Variants in SLFN11 observed in about 807,000 individuals in gnomAD.
The protein encoded by SLFN11 is schlafen family member 11.
SLFN11 carries 43 observed loss-of-function variants against 53.4 expected under a neutral mutation model. That is an observed-to-expected ratio of 0.80 (90% confidence interval 0.63 to 1.04). The LOEUF is 1.04. SLFN11 is among the 50% of genes least tolerant of loss of function. SLFN11 has a pLI of 0.00. For missense variants in SLFN11, 990 were observed against 1,079.1 expected (o/e 0.92, Z 1.16); for synonymous variants, 389 against 394.7 (o/e 0.99, Z 0.17).
Position 35,360,324 on chromosome 17 carries a change from T to G in SLFN11, c.1117A>C (p.Ser373Arg), listed in dbSNP as rs775310158. ...ACTGGTCTGCTAAGGGGAGGCCCAC[T>G]AGATAGACTCAGCTGACATTCAAAA... is the stretch of plus-strand genomic sequence containing the variant. ...EDFECQLSLS[S>R]GPPLSRPVYS... Residue 373 changes from serine to arginine, a missense_variant, in exon 5 of 7, where the codon AGT (serine) becomes CGT (arginine). Physicochemically the swap from Ser to Arg is moderately radical, Grantham distance 110. Transcript: ENST00000685675. The G allele has an allele frequency of 9.9e-6, 16 of 1,610,366 alleles. No individual in the cohort carries two copies. The highest frequency in any genetic ancestry group is 1.4e-5 in the Non-Finnish European group (16 of 1,178,818).
At chr17:35,366,144 A>G (rs1908931972) in intron 3 of SLFN11, among the ~76,000 whole-genome samples, 1 of 152,176 alleles carries the variant, frequency 6.6e-6, no homozygotes, top group African/African-American at 2.4e-5. Context: ...GTAGGATTTT[A>G]TCACAGAAGT....
At chr17:35,372,480 G>A (rs1909809606) in intron 1 of SLFN11, among the ~76,000 whole-genome samples, 2 of 152,102 alleles carry the variant, frequency 1.3e-5, no homozygotes, top group South Asian at 4.1e-4. Context: ...GCAACTCAAA[G>A]GGTAAATGCT....
rs770619764 is a variant in SLFN11, at chr17:35,352,488, T to C, written c.2574A>G (p.Ser858=). The part of the protein sequence containing the change: ...HIVLDSVRRF[S]GLERSIVFGI... ...CAAACACTATGCTCCTTTCCAGGCC[T>C]GAGAATCGCCGAACACTGTCCAACA... Residue 858 remains serine, a synonymous_variant, in exon 7 of 7, where the codon TCA becomes TCG. Coordinates refer to ENST00000685675, the MANE Select transcript of SLFN11 (RefSeq NM_001376007.1). 1 of 1,614,190 alleles carries C rather than the reference T, an allele frequency of 6.2e-7. No individual in the cohort carries two copies. The highest frequency in any genetic ancestry group is 2.2e-5 in the East Asian group (1 of 44,880).
intron 4 of SLFN11, among the ~76,000 whole-genome samples, chr17:35,361,776 G>A (rs1422747028): frequency 3.3e-5 from 5 of 151,296 alleles, no homozygotes; most frequent in East Asian, 1.9e-4. Context: ...ACAGAGTCTC[G>A]CTCTGTCACC....
chr17:35,369,732 T>C (rs534593425), intron 1 of SLFN11, among the ~76,000 whole-genome samples: 4 of 152,276 alleles, frequency 2.6e-5, no homozygotes, highest in African/African-American at 9.6e-5. Flanking sequence ...TAGTGGCTAC[T>C]ATGAGCAACT....
chr17:35,362,663 C>G, intron 4 of SLFN11, 76 bp downstream of exon 4: 1 of 1,199,384 alleles, frequency 8.3e-7, no homozygotes, highest in Non-Finnish European at 1.2e-6. Context: ...AAGTCATAGG[C>G]AGCAAAGGAA....
In SLFN11 at chr17:35,363,716, C is replaced by T. The variant is rs750592221; in HGVS notation, c.92G>A (p.Arg31Lys). ...TCTCTGAATTTTCTGCAGCTTTTTTCTGTTTTCTTCTCCAAGAGTCACTTC... is the reference window on the plus strand; with the variant it reads ...TCTCTGAATTTTCTGCAGCTTTTTTTTGTTTTCTTCTCCAAGAGTCACTTC... ...VGEVTLGEEN[R>K]KKLQKIQRDQ... Residue 31 changes from arginine to lysine, a missense_variant, in exon 4 of 7, where the codon AGA (arginine) becomes AAA (lysine). Physicochemically the swap from Arg to Lys is conservative, Grantham distance 26. This residue lies in a region of SLFN11 where 521 missense variants were observed against 516.2 expected (regional missense o/e 1.01). Transcript: ENST00000685675. 3.1e-6 allele frequency: 5 copies of T among 1,613,820 alleles called. No individual in the cohort carries two copies. The East Asian group carries it at 1.1e-4, about 36-fold the overall frequency.
intron 4 of SLFN11, among the ~76,000 whole-genome samples, chr17:35,362,041 G>A (rs1908287755): frequency 6.6e-6 from 1 of 152,010 alleles, no homozygotes; most frequent in South Asian, 2.1e-4. Context: ...GCCCAAGAAA[G>A]CAACCCCAGA....
In SLFN11 at chr17:35,353,636, A is replaced by G; in HGVS notation, c.1622T>C (p.Leu541Pro). 7.0e-6 allele frequency: 8 copies of G among 1,137,070 alleles called. No homozygotes were observed. The highest frequency in any genetic ancestry group is 9.6e-6 in the Non-Finnish European group (8 of 834,464). 70.4% of individuals were successfully genotyped at this position (1,137,070 alleles called of 1,614,324 possible). Residue 541 changes from leucine to proline, a missense_variant, in exon 6 of 7, where the codon CTT (leucine) becomes CCT (proline). Around this residue, in one of 3 missense-constraint regions of SLFN11, gnomAD observed 156 missense variants for 241.9 expected, o/e 0.64. Transcript: ENST00000685675. ...GGCTTCCATGTGCTGGGTGCCTGCA[A>G]GGCTATAGGACGCAGGGTAATCCAT... is the stretch of plus-strand genomic sequence containing the variant. ...SPMDYPASYS[L>P]AGTQHMEALL...
chr17:35,356,942 A>G (rs185484557), intron 5 of SLFN11, among the ~76,000 whole-genome samples: 6 of 152,228 alleles, frequency 3.9e-5, no homozygotes, highest in African/African-American at 1.2e-4. Flanking sequence ...GCAATGTACA[A>G]GAAGGTGTGT....
At position 35,367,608 on chromosome 17, in the gene SLFN11, A is replaced by G. The variant is rs1909114740; in HGVS notation, c.-142T>C. ...ACAGGATAACTTTTTCAAACCTTTCAGTGTAGCCAGAGTTCCCACCAACAC... is the reference window on the plus strand; with the variant it reads ...ACAGGATAACTTTTTCAAACCTTTCGGTGTAGCCAGAGTTCCCACCAACAC... On this transcript the variant is annotated 5_prime_UTR_variant, in exon 2 of 7. Transcript: ENST00000685675. 6.6e-6 allele frequency: 1 copy of G among 152,328 alleles called. No individual in the cohort carries two copies. The highest frequency in any genetic ancestry group is 2.1e-4 in the South Asian group (1 of 4,830). The allele number at this position is 152,328 out of a possible 1,614,324, so 9.4% of individuals were successfully genotyped here.
intron 4 of SLFN11, among the ~76,000 whole-genome samples, chr17:35,361,902 G>A (rs1054402774): frequency 4.0e-5 from 6 of 151,810 alleles, no homozygotes; most frequent in African/African-American, 7.3e-5. Context: ...GCACCACCAC[G>A]TCTGACTAAT....
Position 35,353,531 on chromosome 17 carries a change from A to G in SLFN11, c.1727T>C (p.Leu576Pro). 1.4e-6 allele frequency: 2 copies of G among 1,431,552 alleles called. No homozygotes were observed. The highest frequency in any genetic ancestry group is 2.7e-5 in the South Asian group (2 of 75,036). 88.7% of individuals were successfully genotyped at this position (1,431,552 alleles called of 1,614,324 possible). ...SDQLGCEVLN[L>P]LTAQQYEIFS... ...TATCTCATACTGCTGGGCTGTGAGC[A>G]GATTTAAAACCTCACAGCCGAGCTG... The change falls in exon 6 of 7, where the codon CTG (leucine) becomes CCG (proline). Residue 576 changes from leucine (L) to proline (P), a missense_variant. By Grantham distance (98) the Leu-to-Pro change is moderately conservative. Transcript: ENST00000685675.
At chr17:35,366,253 A>G (rs1908941430) in intron 3 of SLFN11, among the ~76,000 whole-genome samples, 1 of 152,124 alleles carries the variant, frequency 6.6e-6, no homozygotes, top group Non-Finnish European at 1.5e-5. Flanking sequence ...TGAATGGATT[A>G]TAGGTCTCAA....
At position 35,352,940 on chromosome 17, in the gene SLFN11, T is replaced by C. The variant is rs1567815306; in HGVS notation, c.2122A>G (p.Ser708Gly). 6.2e-7 allele frequency: 1 copy of C among 1,614,212 alleles called. No individual in the cohort carries two copies. Among genetic ancestry groups the C allele is most frequent in the Non-Finnish European group, 8.5e-7 (1 of 1,180,034 alleles). ...GGGAGGCCACTGCAATCCAAGTGGCTGGTCTGAAAGTAATCCAGAAAGATC... is the reference window on the plus strand; with the variant it reads ...GGGAGGCCACTGCAATCCAAGTGGCCGGTCTGAAAGTAATCCAGAAAGATC... ...LWIFLDYFQTSHLDCSGLPPL... is the reference protein window; with the variant it reads ...LWIFLDYFQTGHLDCSGLPPL... The change falls in exon 7 of 7, where the codon AGC becomes GGC. Residue 708 changes from serine (S) to glycine (G), a missense_variant. Coordinates refer to ENST00000685675, the MANE Select transcript of SLFN11 (RefSeq NM_001376007.1).
At position 35,353,959 on chromosome 17, in the gene SLFN11, A is replaced by T. The variant is rs1907129179; in HGVS notation, c.1299T>A (p.Pro433=). 1 of 1,613,898 alleles carries T rather than the reference A, an allele frequency of 6.2e-7. No homozygotes were observed. The highest frequency in any genetic ancestry group is 8.5e-7 in the Non-Finnish European group (1 of 1,180,018). Residue 433 remains proline (P), a synonymous_variant, in exon 6 of 7, where the codon CCT becomes CCA. Coordinates refer to ENST00000685675, the MANE Select transcript of SLFN11 (RefSeq NM_001376007.1). ...AGAAGATCAAAATTCCCCGAAAGAAAGGTTGCATTTGCTTATTTATTAACT... is the reference window on the plus strand; with the variant it reads ...AGAAGATCAAAATTCCCCGAAAGAATGGTTGCATTTGCTTATTTATTAACT... ...LEELINKQMQ[P]FFRGILIFSR...
chr17:35,365,513 C>T (rs1908855056), intron 3 of SLFN11, among the ~76,000 whole-genome samples: 1 of 151,950 alleles, frequency 6.6e-6, no homozygotes, highest in East Asian at 1.9e-4. Flanking sequence ...AGGCTGGTCT[C>T]AAACTCCTGG....
At chr17:35,354,166 T>C (rs1907171817) in intron 5 of SLFN11, 107 bp from the exon 6 acceptor site, 1 of 883,220 alleles carries the variant, frequency 1.1e-6, no homozygotes, top group Admixed American at 3.7e-5. Context: ...CTTATAGAAG[T>C]TTCAAATACT....
intron 5 of SLFN11, among the ~76,000 whole-genome samples, chr17:35,358,843 T>C (rs537677208): frequency 6.6e-6 from 1 of 152,132 alleles, no homozygotes; most frequent in South Asian, 2.1e-4. Context: ...TTACAATTAC[T>C]GTTATTCACA....
Sources: gnomAD v4.1 joint callset for allele counts (sites outside exome capture counted in the v4.1 genomes callset) on GRCh38, gnomAD v4.1.1 for gene constraint, gnomAD v4.1.1 regional missense constraint, MANE v1.5 for transcripts, NCBI Gene and HGNC (gene_info 2026-07-23, HGNC 2026-07-21) for gene names.